The following LINGO2 variants were observed in gnomAD, a reference collection of about 807,000 sequenced individuals.
The protein encoded by LINGO2 is leucine rich repeat and Ig domain containing 2.
In LINGO2, 14 loss-of-function variants were observed where a neutral mutation model predicts 30.6. The ratio of observed to expected loss-of-function variants is 0.46; its 90% confidence interval spans 0.30 to 0.72. The LOEUF is 0.72. LINGO2 is among the 30% of genes least tolerant of loss of function. The pLI is 0.07. For synonymous variants in LINGO2, 317 were observed against 288.5 expected, an observed-to-expected ratio of 1.10 and a Z score of -1.00; for missense variants, 729 against 751.7, an observed-to-expected ratio of 0.97 and a Z score of 0.35.
At position 28,148,700 on chromosome 9, in the gene LINGO2, G is replaced by A. The variant is rs1318093764; in HGVS notation, c.-86-136295C>T. On this transcript the variant is annotated intron_variant, in intron 4 of 5. Coordinates refer to ENST00000379992, the Ensembl canonical transcript of LINGO2. The surrounding 1 kb of genome is among the most constrained non-coding windows in gnomAD (Gnocchi z 5.1). Reference sequence around the variant, plus strand: ...GAGTTTCTACTCCAACGGCCATGGAGTCGCCAGTTCACACAGCCCTGCTGG... The same window carrying A: ...GAGTTTCTACTCCAACGGCCATGGAATCGCCAGTTCACACAGCCCTGCTGG... 12 of 1,533,814 alleles carry A rather than the reference G, an allele frequency of 7.8e-6. No individual in the cohort carries two copies. The highest frequency in any genetic ancestry group is 1.0e-5 in the Non-Finnish European group (12 of 1,146,180).
chr9:28,231,836 T>A (rs764040530), intron 4 of LINGO2, among the ~76,000 whole-genome samples: 13 of 152,072 alleles, frequency 8.5e-5, no homozygotes, highest in Non-Finnish European at 1.8e-4. Context: ...TGCACAAAAA[T>A]GGAAAGATAA....
At chr9:28,655,767 G>A (rs73445579) in intron 1 of LINGO2, among the ~76,000 whole-genome samples, 108 of 152,194 alleles carry the variant, frequency 7.1e-4, no homozygotes, top group African/African-American at 2.6e-3. Flanking sequence ...CTGCTGCCAT[G>A]TGAAGAAGGA....
At chr9:28,345,403 A>G (rs1226220404) in intron 3 of LINGO2, among the ~76,000 whole-genome samples, 1 of 152,160 alleles carries the variant, frequency 6.6e-6, no homozygotes, top group Non-Finnish European at 1.5e-5. Context: ...CCTTTGGTCA[A>G]TCCATTAACT....
chr9:28,251,165 C>A (rs73645623), intron 4 of LINGO2, among the ~76,000 whole-genome samples: 1 of 150,808 alleles, frequency 6.6e-6, no homozygotes, highest in Non-Finnish European at 1.5e-5. Flanking sequence ...TCTTTCTCTG[C>A]CCCCTATGAT....
chr9:28,030,433 AC>A (rs926514420), intron 4 of LINGO2, among the ~76,000 whole-genome samples: 1 of 152,244 alleles, frequency 6.6e-6, no homozygotes, highest in Non-Finnish European at 1.5e-5. Flanking sequence ...AAGAAGTCTT[AC>A]AAAATTCCTA....
chr9:28,736,726 A>C, the LINGO2 span, among the ~76,000 whole-genome samples: 4 of 151,100 alleles, frequency 2.6e-5, no homozygotes. Context: ...CAGGAGGCAG[A>C]GGTTGCAGTG....
At chr9:28,973,645 C>A in the LINGO2 span, among the ~76,000 whole-genome samples, 18 of 152,308 alleles carry the variant, frequency 1.2e-4, no homozygotes, top group East Asian at 2.5e-3. Flanking sequence ...CCATGTGGAA[C>A]TGTGAGTCAA....
At chr9:27,944,837 T>G (rs1463420782), downstream of LINGO2, among the ~76,000 whole-genome samples, 1 of 151,886 alleles carries the variant, frequency 6.6e-6, no homozygotes, top group Non-Finnish European at 1.5e-5. Context: ...ATAGCTCATG[T>G]GAGATATAGG....
chr9:27,943,269 C>T (rs1357441023), downstream of LINGO2: 2 of 152,090 alleles, frequency 1.3e-5, no homozygotes, highest in Admixed American at 1.3e-4. Flanking sequence ...TTGGCTGACC[C>T]ATCTTCAGTA....
the LINGO2 span, among the ~76,000 whole-genome samples, chr9:29,163,037 T>C: frequency 6.6e-6 from 1 of 152,114 alleles, no homozygotes; most frequent in African/African-American, 2.4e-5. Context: ...AAATTTTATT[T>C]CCCCCTCAGT....
intron 3 of LINGO2, among the ~76,000 whole-genome samples, chr9:28,304,754 A>T (rs1824280166): frequency 6.6e-6 from 1 of 152,072 alleles, no homozygotes; most frequent in Admixed American, 6.6e-5. Context: ...TTACCAAACA[A>T]TTCAAATTAA....
At chr9:28,466,496 T>C (rs2135147229) in intron 2 of LINGO2, among the ~76,000 whole-genome samples, 1 of 152,220 alleles carries the variant, frequency 6.6e-6, no homozygotes, top group African/African-American at 2.4e-5. Flanking sequence ...GATAAATGGG[T>C]ACAAATAATA....
At chr9:27,998,455 C>G (rs921662321) in intron 5 of LINGO2, among the ~76,000 whole-genome samples, 1 of 152,130 alleles carries the variant, frequency 6.6e-6, no homozygotes, top group African/African-American at 2.4e-5. Flanking sequence ...CAGATGATTC[C>G]AGTCTCAGCC....
chr9:28,839,034 G>A, the LINGO2 span, among the ~76,000 whole-genome samples: 27 of 152,298 alleles, frequency 1.8e-4, no homozygotes, highest in African/African-American at 5.5e-4. Flanking sequence ...GGAATGAGGT[G>A]GCGCCTGGAA....
At chr9:29,098,815 AAAGT>A in the LINGO2 span, among the ~76,000 whole-genome samples, 1 of 152,158 alleles carries the variant, frequency 6.6e-6, no homozygotes, top group African/African-American at 2.4e-5. Flanking sequence ...TTTCCGTGTT[AAAGT>A]AAGTGTAGTA....
At chr9:28,214,732 G>A (rs562702294) in intron 4 of LINGO2, among the ~76,000 whole-genome samples, 1 of 151,642 alleles carries the variant, frequency 6.6e-6, no homozygotes, top group Non-Finnish European at 1.5e-5. Flanking sequence ...TTGTCCAAAT[G>A]TAAGTGTAAA....
chr9:27,948,892 C>G (rs780086968), exon 6 of LINGO2: 2 of 1,613,628 alleles, frequency 1.2e-6, no homozygotes, highest in East Asian at 4.5e-5. Context: ...CCAGCTACCT[C>G]CCCTTCCACA....
intron 4 of LINGO2, among the ~76,000 whole-genome samples, chr9:28,158,366 C>T (rs770923832): frequency 7.2e-5 from 11 of 152,072 alleles, no homozygotes; most frequent in Non-Finnish European, 1.5e-4. Context: ...TTGGGTGGGT[C>T]GCAGCCAAAC....
chr9:28,055,853 C>A (rs1824911915), intron 4 of LINGO2, among the ~76,000 whole-genome samples: 1 of 152,128 alleles, frequency 6.6e-6, no homozygotes, highest in Non-Finnish European at 1.5e-5. Context: ...TCACAACTTA[C>A]TTTGGTTTCG....
Sources: gnomAD v4.1 joint callset for allele counts (sites outside exome capture counted in the v4.1 genomes callset) on GRCh38, gnomAD v4.1.1 for gene constraint, Gnocchi (gnomAD v3.1) non-coding constraint, MANE v1.5 for transcripts, NCBI Gene and HGNC (gene_info 2026-07-23, HGNC 2026-07-21) for gene names.